The following NFRKB variants were observed in gnomAD, a reference collection of about 807,000 sequenced individuals.
The protein encoded by NFRKB is nuclear factor related to kappa-B-binding protein.
NFRKB carries 62 observed loss-of-function variants against 135.7 expected under a neutral mutation model. That is an observed-to-expected ratio of 0.46 (90% CI 0.37 to 0.56). The LOEUF is 0.56. Ranked by LOEUF, NFRKB falls within the 20% of genes least tolerant of loss-of-function variation. The probability of loss-of-function intolerance (pLI) is 0.00; values close to 1 mark genes in which losing one functional copy is unlikely to be tolerated. For synonymous variants in NFRKB, 678 were observed against 635.6 expected (o/e 1.07, Z -1.00); for missense variants, 1,545 against 1,662.0 (o/e 0.93, Z 1.22).
intron 26 of NFRKB, 38 bp downstream of exon 26, chr11:129,864,928 G>A (rs1226595063): frequency 1.4e-5 from 23 of 1,612,190 alleles, no homozygotes; most frequent in East Asian, 2.2e-5. Flanking sequence ...GAATCAGAGA[G>A]GAGCCGGATA....
In NFRKB at chr11:129,874,351, G is replaced by A. The variant is rs756260666; in HGVS notation, c.2059-18C>T. 6.6e-6 allele frequency: 10 copies of A among 1,518,852 alleles called. No individual in the cohort carries two copies. The South Asian group carries it at 1.2e-4, about 18-fold the overall frequency. The allele number at this position is 1,518,852 out of a possible 1,614,324, so 94.1% of individuals were successfully genotyped here. ...CTGGACTTCTAGAACGGAAGACAAA[G>A]AAAACTCACCTGGTGTCGTGAAGAT... On this transcript the variant is annotated intron_variant, in intron 20 of 26. Coordinates refer to ENST00000682444, the MANE Select transcript of NFRKB (RefSeq NM_001143835.2). This position sits in a 1 kb window ranked among gnomAD's most constrained non-coding sequence, Gnocchi z 4.5.
intron 5 of NFRKB, among the ~76,000 whole-genome samples, chr11:129,886,047 T>G (rs1949262266): frequency 6.6e-6 from 1 of 152,208 alleles, no homozygotes. Context: ...CCATGATAGA[T>G]CCAAAATCCA....
In NFRKB at chr11:129,872,907, T is replaced by C; in HGVS notation, c.2740A>G (p.Thr914Ala). Residue 914 changes from threonine (T) to alanine (A), a missense_variant, in exon 23 of 27, where the codon ACA becomes GCA. Physicochemically the swap from Thr to Ala is moderately conservative, Grantham distance 58. Around this residue, in one of 3 missense-constraint regions of NFRKB, gnomAD observed 753 missense variants for 804.3 expected, o/e 0.94. Transcript: ENST00000682444. The part of the protein sequence containing the change: ...ASTAAVIQNV[T>A]GQNIIKQVAI... ...ACCTGCTTGATGATGTTCTGTCCTG[T>C]GACATTTTGAATGACGGCAGCCGTG... 6.2e-7 allele frequency: 1 copy of C among 1,612,322 alleles called. No homozygotes were observed. The highest frequency in any genetic ancestry group is 8.5e-7 in the Non-Finnish European group (1 of 1,178,712).
chr11:129,884,166 A>G lies in NFRKB; in HGVS notation c.743-23T>C. 3.7e-6 allele frequency: 6 copies of G among 1,604,150 alleles called. No individual in the cohort carries two copies. In the South Asian group the frequency reaches 5.5e-5, roughly 15 times the overall value. On this transcript the variant is annotated intron_variant, in intron 7 of 26. Transcript: ENST00000682444. Reference sequence around the variant, plus strand: ...TATCTGAGAAAACAAACCAAACCATATTCACTATCATGATTCTCCAATTTA... The same window carrying G: ...TATCTGAGAAAACAAACCAAACCATGTTCACTATCATGATTCTCCAATTTA...
intron 15 of NFRKB, among the ~76,000 whole-genome samples, chr11:129,877,714 C>T (rs1048137340): frequency 6.6e-6 from 1 of 151,964 alleles, no homozygotes; most frequent in Non-Finnish European, 1.5e-5. Context: ...GAACAAAGGG[C>T]TTCAGGTGTG....
Position 129,874,930 on chromosome 11 carries a change from A to G in NFRKB, c.1855-14T>C, listed in dbSNP as rs371769936. The G allele has an allele frequency of 2.1e-5, 34 of 1,613,798 alleles. No homozygotes were observed. The highest frequency in any genetic ancestry group is 2.7e-5 in the Non-Finnish European group (32 of 1,179,822). On this transcript the variant is annotated splice_polypyrimidine_tract_variant and intron_variant, in intron 18 of 26. Transcript: ENST00000682444. This position sits in a 1 kb window ranked among gnomAD's most constrained non-coding sequence, Gnocchi z 4.5. ...TACTGTATTTACCTACAAATCAGAC[A>G]AAGGGAAATAAGAAACAAGTCAAGC...
intron 1 of NFRKB, among the ~76,000 whole-genome samples, chr11:129,894,758 C>T (rs1949700300): frequency 6.6e-6 from 1 of 152,170 alleles, no homozygotes; most frequent in African/African-American, 2.4e-5. Flanking sequence ...CAGCACATAG[C>T]ATGTGAGTTT....
chr11:129,864,961 C>G lies in NFRKB; in HGVS notation c.3774+5G>C. ...ATATGGCCAAGAATTTGCCCTGGGCCTTACCTGTGTGGCCTGACCTTGCTG... is the reference window on the plus strand; with the variant it reads ...ATATGGCCAAGAATTTGCCCTGGGCGTTACCTGTGTGGCCTGACCTTGCTG... On this transcript the variant is annotated splice_donor_5th_base_variant and intron_variant, in intron 26 of 26. Transcript: ENST00000682444. 1 of 1,613,382 alleles carries G rather than the reference C, an allele frequency of 6.2e-7. No individual in the cohort carries two copies. The highest frequency in any genetic ancestry group is 1.7e-4 in the Middle Eastern group (1 of 5,758).
rs991443762 is a variant in NFRKB, at chr11:129,874,282, C to G, written c.2110G>C (p.Glu704Gln). 1.3e-6 allele frequency: 2 copies of G among 1,516,420 alleles called. No homozygotes were observed. Among genetic ancestry groups the G allele is most frequent in the African/African-American group, 1.4e-5 (1 of 71,728 alleles). The allele number at this position is 1,516,420 out of a possible 1,614,324, so 93.9% of individuals were successfully genotyped here. A position where few individuals can be genotyped will look rare whatever the true frequency, so the allele number is the denominator to read the frequency against. Residue 704 changes from glutamate to glutamine, a missense_variant, in exon 21 of 27, where the codon GAG (glutamate) becomes CAG (glutamine). By Grantham distance (29) the Glu-to-Gln change is conservative (BLOSUM62 2). Transcript: ENST00000682444. The surrounding 1 kb of genome is among the most constrained non-coding windows in gnomAD (Gnocchi z 4.5). Reference sequence around the variant, plus strand: ...TCACTGAGGCTCATCTGGCTCTGCTCAGAAGGGCCACTGCTAAGGACCTTT... The same window carrying G: ...TCACTGAGGCTCATCTGGCTCTGCTGAGAAGGGCCACTGCTAAGGACCTTT... ...SIKVLSSGPS[E>Q]QSQMSLSDSS... is the part of the protein sequence containing the mutation.
intron 24 of NFRKB, among the ~76,000 whole-genome samples, chr11:129,866,360 GCA>G (rs1948191676): frequency 1.3e-5 from 2 of 152,066 alleles, no homozygotes; most frequent in African/African-American, 4.8e-5. Flanking sequence ...TCAGTACATG[GCA>G]CAGTGCTGGG....
intron 13 of NFRKB, among the ~76,000 whole-genome samples, chr11:129,879,721 C>G (rs932278936): frequency 1.3e-5 from 2 of 152,072 alleles, no homozygotes; most frequent in Non-Finnish European, 2.9e-5. Context: ...GAAGAGCCCT[C>G]CTCGGCCCTC....
intron 24 of NFRKB, among the ~76,000 whole-genome samples, chr11:129,866,472 T>C (rs556133613): frequency 6.6e-6 from 1 of 151,602 alleles, no homozygotes; most frequent in Non-Finnish European, 1.5e-5. Context: ...GCAGGGCCAC[T>C]GGTGAGGAAC....
intron 8 of NFRKB, among the ~76,000 whole-genome samples, chr11:129,883,413 A>T (rs370456146): frequency 6.6e-6 from 1 of 152,230 alleles, no homozygotes; most frequent in South Asian, 2.1e-4. Context: ...ACCCAGTTCC[A>T]ATCTTTCTAC....
chr11:129,884,670 C>A, intron 7 of NFRKB, 75 bp downstream of exon 7: 1 of 1,533,460 alleles, frequency 6.5e-7, no homozygotes, highest in Non-Finnish European at 9.0e-7. Flanking sequence ...TGCCCCCACC[C>A]ACCTCCCTCT....
At chr11:129,893,101 C>A in intron 2 of NFRKB, 1 of 1,391,102 alleles carries the variant, frequency 7.2e-7, no homozygotes, top group Non-Finnish European at 9.3e-7. Flanking sequence ...TACAGTAACT[C>A]CTAAATTCAT....
At chr11:129,888,207 AGTGT>A (rs895404225) in intron 4 of NFRKB, 6 of 502,818 alleles carry the variant, frequency 1.2e-5, no homozygotes, top group Non-Finnish European at 2.1e-5. Flanking sequence ...TGCAGCAAAA[AGTGT>A]GTGTGTACCT....
chr11:129,893,467 G>A (rs949946988), intron 2 of NFRKB: 3 of 259,692 alleles, frequency 1.2e-5, no homozygotes, highest in Non-Finnish European at 2.4e-5. Context: ...GGCTGAGGTG[G>A]GAGGATCGCT....
chr11:129,874,741 AG>A lies in NFRKB; in HGVS notation c.1978+51del. 6.2e-7 allele frequency: 1 copy of A among 1,613,682 alleles called. No homozygotes were observed. The highest frequency in any genetic ancestry group is 1.1e-5 in the South Asian group (1 of 91,056). Reference sequence around the variant, plus strand: ...AAAGAATAATGGAATTGGGGTAGAAAGTCAGAACGTATCCCCAGTCTGGTCG... The same window carrying A: ...AAAGAATAATGGAATTGGGGTAGAAATCAGAACGTATCCCCAGTCTGGTCG... On this transcript the variant is annotated intron_variant, in intron 19 of 26. Transcript: ENST00000682444. This position sits in a 1 kb window ranked among gnomAD's most constrained non-coding sequence, Gnocchi z 4.5.
chr11:129,888,544 C>G, intron 4 of NFRKB, 50 bp downstream of exon 4: 1 of 1,496,866 alleles, frequency 6.7e-7, no homozygotes, highest in East Asian at 2.3e-5. Context: ...ATAAAGTGAA[C>G]GTGTGCCCAT....
Sources: gnomAD v4.1 joint callset for allele counts (sites outside exome capture counted in the v4.1 genomes callset) on GRCh38, gnomAD v4.1.1 for gene constraint, gnomAD v4.1.1 regional missense constraint, Gnocchi (gnomAD v3.1) non-coding constraint, MANE v1.5 for transcripts, NCBI Gene and HGNC (gene_info 2026-07-23, HGNC 2026-07-21) for gene names.